The following EML2 variants were observed in gnomAD, a reference collection of about 807,000 sequenced individuals.
EML2 encodes EMAP like 2.
A neutral mutation model predicts 84.7 loss-of-function variants in EML2; 59 were observed. That is an observed-to-expected ratio of 0.70 (90% CI 0.56 to 0.86). EML2 has a LOEUF of 0.86. Ranked by LOEUF, EML2 falls within the 40% of genes least tolerant of loss-of-function variation. The pLI, the probability that EML2 is intolerant of heterozygous loss-of-function variation, is 0.00. For missense variants in EML2, 818 were observed against 855.6 expected (o/e 0.96, Z 0.55); for synonymous variants, 352 against 348.9 (o/e 1.01, Z -0.10).
chr19:45,635,583 CTTTTTTTTTTTTTTTTT>C (rs1172930803), intron 3 of EML2, among the ~76,000 whole-genome samples: 1 of 108,486 alleles, frequency 9.2e-6, no homozygotes, highest in Non-Finnish European at 1.9e-5. Flanking sequence ...TGTCTGTTTC[CTTTTTTTTTTTTTTTTT>C]TTTTTTTTTG....
chr19:45,610,596 G>A (rs1319340628), intron 18 of EML2, among the ~76,000 whole-genome samples: 1 of 152,152 alleles, frequency 6.6e-6, no homozygotes, highest in African/African-American at 2.4e-5. Context: ...CCAGCACTTT[G>A]GGAGGCCAAG....
Position 45,627,578 on chromosome 19 carries a change from T to C in EML2, c.607-739A>G, listed in dbSNP as rs1371729324. ...CCAGTACCTTTCCTATACGGTAAAT[T>C]AAAGTACAGGAAGCAGGACAAGCCA... On this transcript the variant is annotated intron_variant, in intron 7 of 18. Transcript: ENST00000245925. Among the ~76,000 whole-genome samples the C allele has an allele frequency of 2.0e-5, 3 of 152,040 alleles. No individual in the cohort carries two copies. In the East Asian group the frequency reaches 5.8e-4, roughly 29 times the overall value.
intron 18 of EML2, 48 bp downstream of exon 18, chr19:45,613,493 A>G (rs1383175937): frequency 6.2e-7 from 1 of 1,601,424 alleles, no homozygotes; most frequent in African/African-American, 1.3e-5. Flanking sequence ...TTTTGTCCCC[A>G]CCCCTGCTTG....
rs1310258727 is a variant in EML2 at position 45,614,593 on chromosome 19, T to C, written c.1693+12A>G. The C allele has an allele frequency of 6.2e-7, 1 of 1,612,030 alleles. No homozygotes were observed. Among genetic ancestry groups the C allele is most frequent in the South Asian group, 1.1e-5 (1 of 91,046 alleles). On this transcript the variant is annotated intron_variant, in intron 17 of 18. Coordinates refer to ENST00000245925, the MANE Select transcript of EML2 (RefSeq NM_012155.4). ...CTGTCCTCAGTGAGACCTCTCTCAT[T>C]CCAGAACTCACCAAACACCCCAAAC...
upstream of EML2, chr19:45,645,380 C>A (rs1406101845): frequency 4.6e-6 from 7 of 1,515,008 alleles, no homozygotes; most frequent in Non-Finnish European, 6.1e-6. Flanking sequence ...GGTCCCAGCC[C>A]GGGCCCGGTC....
intron 7 of EML2, among the ~76,000 whole-genome samples, chr19:45,629,619 C>T (rs904093664): frequency 1.4e-4 from 21 of 149,080 alleles, no homozygotes; most frequent in African/African-American, 5.3e-4. Context: ...CCACCGTGCC[C>T]GGCCTTTTTT....
At chr19:45,626,923 CGG>C in intron 7 of EML2, 84 bp from the exon 8 acceptor site, 1 of 1,362,734 alleles carries the variant, frequency 7.3e-7, no homozygotes, top group South Asian at 1.4e-5. Flanking sequence ...CTGCCCTAAA[CGG>C]CTGTTTGTGT....
chr19:45,624,228 T>A (rs1972041624), intron 9 of EML2, among the ~76,000 whole-genome samples: 1 of 152,214 alleles, frequency 6.6e-6, no homozygotes. Flanking sequence ...ACTAACATAG[T>A]TAGCCATTAG....
intron 15 of EML2, 122 bp from the exon 16 acceptor site, chr19:45,616,011 A>G: frequency 2.7e-6 from 2 of 740,158 alleles, no homozygotes; most frequent in South Asian, 3.1e-5. Context: ...CAAGGGGACT[A>G]AAGGAAGGAT....
At chr19:45,645,303 C>T, upstream of EML2, 2 of 1,533,744 alleles carry the variant, frequency 1.3e-6, no homozygotes, top group Non-Finnish European at 1.7e-6. Context: ...GAGGACGTGT[C>T]GTACAGGCCG....
chr19:45,619,111 C>T lies in EML2; in HGVS notation c.1203G>A (p.Val401=). 1 of 1,613,488 alleles carries T rather than the reference C, an allele frequency of 6.2e-7. No individual in the cohort carries two copies. Among genetic ancestry groups the T allele is most frequent in the East Asian group, 2.2e-5 (1 of 44,884 alleles). Residue 401 remains valine (V), a synonymous_variant, in exon 12 of 19, where the codon GTG becomes GTA. Coordinates refer to ENST00000245925, the MANE Select transcript of EML2 (RefSeq NM_012155.4). ...GGTGGGAATCTGAGCTCCATAGATG[C>T]ACCAGCTTATCCTGCCCGCAGGTCA... ...QFVTCGQDKL[V]HLWSSDSHQP...
rs1970911099 is a variant in EML2, at chr19:45,615,350, A to C, written c.1597+452T>G. ...AGGGAAACTCCCATCTCAAAAAAAA[A>C]AAAATACAAATACAAATATTAGCCG... On this transcript the variant is annotated intron_variant, in intron 16 of 18. Transcript: ENST00000245925. 2.7e-5 allele frequency among the ~76,000 whole-genome samples: 4 copies of C among 149,172 alleles called. No individual in the cohort carries two copies. In the South Asian group the frequency reaches 8.5e-4, roughly 32 times the overall value.
At chr19:45,619,664 A>G (rs553226397) in intron 11 of EML2, among the ~76,000 whole-genome samples, 2 of 152,314 alleles carry the variant, frequency 1.3e-5, no homozygotes, top group African/African-American at 4.8e-5. Context: ...TCATCTAGGC[A>G]GGTGACATCT....
chr19:45,642,101 C>G (rs1047685048), upstream of EML2: 2 of 1,463,082 alleles, frequency 1.4e-6, no homozygotes, highest in African/African-American at 2.8e-5. Context: ...CCCCGGTCCT[C>G]CCCATCCCAC....
chr19:45,626,900 G>C, intron 7 of EML2, 61 bp from the exon 8 acceptor site: 1 of 1,510,880 alleles, frequency 6.6e-7, no homozygotes, highest in Non-Finnish European at 8.9e-7. Flanking sequence ...TACTATACCC[G>C]CCCCTCACAG....
At chr19:45,628,176 C>G (rs1972591197) in intron 7 of EML2, among the ~76,000 whole-genome samples, 1 of 151,064 alleles carries the variant, frequency 6.6e-6, no homozygotes, top group Non-Finnish European at 1.5e-5. Flanking sequence ...TCGAGACTGG[C>G]CTGGTCAACG....
chr19:45,633,680 G>A (rs1367870325), intron 4 of EML2, among the ~76,000 whole-genome samples: 5 of 152,130 alleles, frequency 3.3e-5, no homozygotes, highest in African/African-American at 9.7e-5. Context: ...GGAGGTTGCA[G>A]TGAGTCGAGA....
chr19:45,645,453 C>G (rs897546312), upstream of EML2: 12 of 1,415,810 alleles, frequency 8.5e-6, no homozygotes, highest in African/African-American at 7.6e-5. Context: ...ATCCCCAGCT[C>G]AGCTCGCCTG....
chr19:45,629,470 A>G (rs1424060411), intron 7 of EML2, among the ~76,000 whole-genome samples: 1 of 152,008 alleles, frequency 6.6e-6, no homozygotes, highest in Non-Finnish European at 1.5e-5. Context: ...GATTACAGGC[A>G]TGTGCTACCA....
Sources: allele counts gnomAD v4.1 joint callset (sites outside exome capture counted in the v4.1 genomes callset), GRCh38; gene constraint gnomAD v4.1.1; transcripts MANE v1.5; gene names NCBI Gene and HGNC (gene_info 2026-07-23, HGNC 2026-07-21).